Variants in PLCB1 observed in about 807,000 individuals in gnomAD.
PLCB1 encodes 1-phosphatidylinositol 4,5-bisphosphate phosphodiesterase beta-1.
PLCB1 carries 46 observed loss-of-function variants against 161.8 expected under a neutral mutation model. That is an observed-to-expected ratio of 0.28 (90% CI 0.22 to 0.36). PLCB1 has a LOEUF of 0.36. Ranked by LOEUF, PLCB1 falls within the 10% of genes least tolerant of loss-of-function variation. The pLI, the probability that PLCB1 is intolerant of heterozygous loss-of-function variation, is 1.00. For synonymous variants in PLCB1, 517 were observed against 503.7 expected, an observed-to-expected ratio of 1.03 and a Z score of -0.35; for missense variants, 1,016 against 1,472.5, an observed-to-expected ratio of 0.69 and a Z score of 5.07.
chr20:8,336,488 A>C (rs1168094442), intron 2 of PLCB1, among the ~76,000 whole-genome samples: 1 of 152,172 alleles, frequency 6.6e-6, no homozygotes, highest in Non-Finnish European at 1.5e-5. Context: ...CCATGAGTAC[A>C]ATAGCATAGG....
intron 3 of PLCB1, among the ~76,000 whole-genome samples, chr20:8,551,335 T>C (rs1985768948): frequency 1.3e-5 from 2 of 152,316 alleles, no homozygotes; most frequent in South Asian, 2.1e-4. Flanking sequence ...ACTTTTATTC[T>C]AATGTATAAG....
At chr20:8,818,654 C>T (rs1200115744) in intron 31 of PLCB1, among the ~76,000 whole-genome samples, 1 of 151,988 alleles carries the variant, frequency 6.6e-6, no homozygotes, top group Non-Finnish European at 1.5e-5. Flanking sequence ...TATATAACAT[C>T]ATAACAAGTA....
chr20:8,591,402 T>A (rs560506852), intron 3 of PLCB1, among the ~76,000 whole-genome samples: 2 of 152,298 alleles, frequency 1.3e-5, no homozygotes, highest in Admixed American at 1.3e-4. Flanking sequence ...CAAAAAAACT[T>A]CTGTGTGTCC....
At chr20:8,730,550 T>C (rs1298830079) in intron 18 of PLCB1, among the ~76,000 whole-genome samples, 6 of 151,860 alleles carry the variant, frequency 4.0e-5, no homozygotes, top group Non-Finnish European at 7.4e-5. Context: ...CTATTAATTT[T>C]CAATTCCTTT....
intron 4 of PLCB1, among the ~76,000 whole-genome samples, chr20:8,632,035 C>CTTTTTTTTTGTT (rs1988608460): frequency 1.5e-4 from 7 of 45,984 alleles, no homozygotes; most frequent in Non-Finnish European, 2.2e-4. Context: ...GTTTTTTTTG[C>CTTTTTTTTTGTT]TTTTTTTTTT....
intron 3 of PLCB1, among the ~76,000 whole-genome samples, chr20:8,519,048 G>A (rs1984247758): frequency 6.6e-6 from 1 of 152,112 alleles, no homozygotes; most frequent in South Asian, 2.1e-4. Flanking sequence ...TACAGATGAA[G>A]CTTCACTTGC....
At chr20:8,643,642 C>T (rs1225910714) in intron 4 of PLCB1, among the ~76,000 whole-genome samples, 2 of 152,144 alleles carry the variant, frequency 1.3e-5, no homozygotes, top group Non-Finnish European at 2.9e-5. Context: ...GACATTATTT[C>T]ACTTTGGGAG....
chr20:8,633,141 CACACACATATT>C (rs1448806556), intron 4 of PLCB1, among the ~76,000 whole-genome samples: 1 of 113,080 alleles, frequency 8.8e-6, no homozygotes, highest in African/African-American at 3.2e-5. Context: ...CACACACACA[CACACACATATT>C]ATAAAGAAGG....
At chr20:8,633,796 C>T (rs1988676456) in intron 4 of PLCB1, among the ~76,000 whole-genome samples, 1 of 152,012 alleles carries the variant, frequency 6.6e-6, no homozygotes, top group South Asian at 2.1e-4. Flanking sequence ...AGATATCCAC[C>T]CTACTAACAC....
At chr20:8,554,078 T>G (rs1439806698) in intron 3 of PLCB1, among the ~76,000 whole-genome samples, 1 of 139,448 alleles carries the variant, frequency 7.2e-6, no homozygotes, top group Non-Finnish European at 1.6e-5. Flanking sequence ...TTGCTAAAAT[T>G]AAGGAAAAAA....
chr20:8,194,130 T>C (rs927612816), intron 2 of PLCB1, among the ~76,000 whole-genome samples: 5 of 152,062 alleles, frequency 3.3e-5, no homozygotes, highest in Non-Finnish European at 7.4e-5. Flanking sequence ...ATCACACTTA[T>C]TTTGATCTTT....
intron 10 of PLCB1, among the ~76,000 whole-genome samples, chr20:8,685,310 A>C (rs1990333791): frequency 1.2e-5 from 1 of 82,066 alleles, no homozygotes; most frequent in Non-Finnish European, 3.4e-5. Flanking sequence ...AGTCTTCTAA[A>C]ATGCAACCAC....
chr20:8,500,196 TAAAAGAAAGC>T (rs1354501863), intron 3 of PLCB1, among the ~76,000 whole-genome samples: 2 of 152,116 alleles, frequency 1.3e-5, no homozygotes, highest in Non-Finnish European at 2.9e-5. Context: ...GTCCATGAGG[TAAAAGAAAGC>T]AAAAGAAAGC....
chr20:8,185,209 C>T (rs1023893574), intron 2 of PLCB1, among the ~76,000 whole-genome samples: 1 of 152,168 alleles, frequency 6.6e-6, no homozygotes, highest in African/African-American at 2.4e-5. Context: ...ACCAAAACTA[C>T]ATGTGCTTAG....
intron 3 of PLCB1, among the ~76,000 whole-genome samples, chr20:8,442,349 C>T (rs932009504): frequency 6.6e-6 from 1 of 152,154 alleles, no homozygotes; most frequent in Non-Finnish European, 1.5e-5. Flanking sequence ...GATGGTTCCT[C>T]TAGAGGAGGG....
At position 8,765,261 on chromosome 20, in the gene PLCB1, A is replaced by T; in HGVS notation, c.2833A>T (p.Ile945Phe). The change falls in exon 26 of 32, where the codon ATC becomes TTC. Residue 945 changes from isoleucine to phenylalanine, a missense_variant. Ile to Phe is a conservative substitution (Grantham distance 21). Around this residue, in one of 10 missense-constraint regions of PLCB1, gnomAD observed 398 missense variants for 445.4 expected, o/e 0.89. Transcript: ENST00000338037. ...ACACCACAAGAAAACCACTGACCTT[A>T]TCAAAGAACACACTACCAAGTATAA... ...KRHHKKTTDL[I>F]KEHTTKYNEI... 1 of 1,614,088 alleles carries T rather than the reference A, an allele frequency of 6.2e-7. No homozygotes were observed. Among genetic ancestry groups the T allele is most frequent in the Non-Finnish European group, 8.5e-7 (1 of 1,179,920 alleles).
chr20:8,655,428 T>C (rs1341248228), intron 7 of PLCB1, among the ~76,000 whole-genome samples: 1 of 152,064 alleles, frequency 6.6e-6, no homozygotes, highest in Non-Finnish European at 1.5e-5. Flanking sequence ...TAGCAAAGAC[T>C]AGACAGAATT....
chr20:8,736,984 A>G lies in PLCB1; in HGVS notation c.2044-44A>G, dbSNP rs750696199. On this transcript the variant is annotated intron_variant, in intron 19 of 31. Transcript: ENST00000338037. ...ATTCTCTTATGTCTTTGTTATTTGC[A>G]TATCAAAATTCCTTATGGATTGATT... 8.3e-6 allele frequency: 12 copies of G among 1,441,604 alleles called. No homozygotes were observed. In the East Asian group the frequency reaches 1.6e-4, roughly 19 times the overall value. 89.3% of individuals were successfully genotyped at this position (1,441,604 alleles called of 1,614,324 possible).
intron 3 of PLCB1, among the ~76,000 whole-genome samples, chr20:8,559,640 T>C (rs1986078549): frequency 6.6e-6 from 1 of 151,978 alleles, no homozygotes; most frequent in Admixed American, 6.6e-5. Flanking sequence ...TTCATTCAAA[T>C]TCTAAAAGAG....
Sources: allele counts gnomAD v4.1 joint callset (sites outside exome capture counted in the v4.1 genomes callset), GRCh38; gene constraint gnomAD v4.1.1; regional missense constraint gnomAD v4.1.1; transcripts MANE v1.5; gene names NCBI Gene and HGNC (gene_info 2026-07-23, HGNC 2026-07-21).